Variants in NLGN4X observed in about 807,000 individuals in gnomAD.
NLGN4X encodes neuroligin-4, X-linked.
Under a neutral mutation model 40.3 loss-of-function variants are expected in NLGN4X, and 3 were observed. The ratio of observed to expected loss-of-function variants is 0.07; its 90% CI spans 0.03 to 0.19. The LOEUF (loss-of-function observed/expected upper bound fraction) is 0.19. NLGN4X is among the 10% of genes least tolerant of loss of function. NLGN4X has a pLI of 1.00. For missense variants in NLGN4X, 382 were observed against 708.3 expected, an observed-to-expected ratio of 0.54 and a Z score of 5.23; for synonymous variants, 270 against 306.8, an observed-to-expected ratio of 0.88 and a Z score of 1.25.
At chrX:5,920,839 A>G (rs1439157734) in intron 3 of NLGN4X, among the ~76,000 whole-genome samples, 1 of 110,972 alleles carries the variant, frequency 9.0e-6, no homozygotes, top group Non-Finnish European at 1.9e-5. Flanking sequence ...CTTTCTGCAC[A>G]CTGGGCTTTG....
At chrX:5,935,974 T>C (rs1318779317) in intron 3 of NLGN4X, among the ~76,000 whole-genome samples, 1 of 112,066 alleles carries the variant, frequency 8.9e-6, no homozygotes, top group Non-Finnish European at 1.9e-5. Flanking sequence ...ACAAAAGTGG[T>C]TATCCTTAGG....
chrX:6,115,441 G>C (rs1262481742), intron 2 of NLGN4X, among the ~76,000 whole-genome samples: 1 of 111,364 alleles, frequency 9.0e-6, no homozygotes, highest in Non-Finnish European at 1.9e-5. Flanking sequence ...GTAGGTAATG[G>C]CTGGGCAAAA....
chrX:6,185,331 A>G (rs1921906399), intron 1 of NLGN4X, among the ~76,000 whole-genome samples: 1 of 111,979 alleles, frequency 8.9e-6, no homozygotes, highest in Non-Finnish European at 1.9e-5. Context: ...AACACAATTG[A>G]AATTCATGTT....
intron 3 of NLGN4X, among the ~76,000 whole-genome samples, chrX:5,971,463 T>C (rs1569160946): frequency 9.0e-6 from 1 of 111,518 alleles, no homozygotes; most frequent in Non-Finnish European, 1.9e-5. Flanking sequence ...CCTTCAGTCA[T>C]CAGTGTGAAT....
intron 3 of NLGN4X, among the ~76,000 whole-genome samples, chrX:5,953,577 CCATA>C (rs1384836237): frequency 9.0e-6 from 1 of 111,159 alleles, no homozygotes; most frequent in Non-Finnish European, 1.9e-5. Flanking sequence ...TGCATGTGCC[CCATA>C]CATATATACA....
chrX:6,022,126 T>C (rs956549617), intron 3 of NLGN4X, among the ~76,000 whole-genome samples: 1 of 112,245 alleles, frequency 8.9e-6, no homozygotes, highest in Admixed American at 9.5e-5. Context: ...TGCAGTGTTT[T>C]GTTTTAGTAA....
chrX:6,101,068 A>C (rs901704037), intron 2 of NLGN4X, among the ~76,000 whole-genome samples: 161 of 111,940 alleles, frequency 1.4e-3, no homozygotes, highest in African/African-American at 5.1e-3. Context: ...AAATATGAAA[A>C]AAATAAAGAA....
chrX:5,909,025 C>T (rs768786778), intron 4 of NLGN4X, 29 bp downstream of exon 4: 10 of 1,206,445 alleles, frequency 8.3e-6, no homozygotes, highest in Non-Finnish European at 6.7e-6. Context: ...AGGGTATTTG[C>T]CCGCCCACCC....
At chrX:6,000,084 T>G (rs1297502599) in intron 3 of NLGN4X, among the ~76,000 whole-genome samples, 1 of 112,432 alleles carries the variant, frequency 8.9e-6, no homozygotes, top group African/African-American at 3.2e-5. Flanking sequence ...ACAAAAGTCC[T>G]AGGCTATAAA....
At chrX:6,061,883 C>T (rs1225903331) in intron 2 of NLGN4X, 1 of 111,735 alleles carries the variant, frequency 8.9e-6, no homozygotes, top group East Asian at 2.8e-4. Flanking sequence ...TTCCAGGTTC[C>T]TCGTATTATT....
chrX:6,055,209 T>C (rs756550113), intron 2 of NLGN4X, among the ~76,000 whole-genome samples: 3 of 111,951 alleles, frequency 2.7e-5, no homozygotes, highest in Non-Finnish European at 5.6e-5. Context: ...AGATCAAGCA[T>C]TGGGGCTGGG....
In NLGN4X at chrX:5,978,266, CTCTTTTTTTCTTTCTT is replaced by C. The variant is rs1408428991; in HGVS notation, c.625+50998_625+51013del. Among the ~76,000 whole-genome samples the C allele has an allele frequency of 4.5e-3, 469 of 104,016 alleles. 5 individuals carry two copies. The highest frequency in any genetic ancestry group is 0.017 in the African/African-American group (452 of 26,808). The allele number at this position is 104,016 out of a possible 115,157, so 90.3% of individuals were successfully genotyped here. A position where few individuals can be genotyped will look rare whatever the true frequency, so the allele number is the denominator to read the frequency against. ...CAACTGGAATTAAAAAGACAGGCGT[CTCTTTTTTTCTTTCTT>C]TCTTTCTTTCTTTCTTTCTTTCTTT... On this transcript the variant is annotated intron_variant, in intron 3 of 5. Coordinates refer to ENST00000381095, the MANE Select transcript of NLGN4X (RefSeq NM_181332.3).
At chrX:6,096,034 A>G (rs1213254428) in intron 2 of NLGN4X, among the ~76,000 whole-genome samples, 2 of 112,262 alleles carry the variant, frequency 1.8e-5, no homozygotes, top group African/African-American at 6.5e-5. Flanking sequence ...TGCCAACAGA[A>G]AACAGTTACC....
chrX:6,194,986 T>C (rs1444112032), intron 1 of NLGN4X, among the ~76,000 whole-genome samples: 1 of 111,411 alleles, frequency 9.0e-6, no homozygotes, highest in East Asian at 2.8e-4. Flanking sequence ...GTTATTTTTT[T>C]ATTTTTTATT....
At chrX:5,969,693 T>A (rs923047087) in intron 3 of NLGN4X, among the ~76,000 whole-genome samples, 3 of 111,012 alleles carry the variant, frequency 2.7e-5, no homozygotes, top group Non-Finnish European at 5.7e-5. Context: ...CAAAGGATTA[T>A]AAATCATGCT....
intron 3 of NLGN4X, among the ~76,000 whole-genome samples, chrX:5,953,957 A>G (rs2034400040): frequency 9.0e-6 from 1 of 111,333 alleles, no homozygotes; most frequent in South Asian, 3.8e-4. Context: ...CTGCCAACAG[A>G]CTAGCCCCAT....
chrX:6,196,088 C>A (rs889995353), intron 1 of NLGN4X, among the ~76,000 whole-genome samples: 48 of 111,673 alleles, frequency 4.3e-4, no homozygotes, highest in African/African-American at 1.6e-3. Context: ...TGAGCCACCA[C>A]CCCCAGCCTA....
intron 1 of NLGN4X, among the ~76,000 whole-genome samples, chrX:6,156,386 G>A (rs1431718301): frequency 9.0e-6 from 1 of 111,211 alleles, no homozygotes; most frequent in Non-Finnish European, 1.9e-5. Context: ...GCGGGCACCT[G>A]TAGTCCCAGC....
At chrX:6,056,432 C>T (rs926238802) in intron 2 of NLGN4X, among the ~76,000 whole-genome samples, 4 of 109,013 alleles carry the variant, frequency 3.7e-5, no homozygotes, top group Admixed American at 9.8e-5. Flanking sequence ...GCGGGGATCG[C>T]GCCACTGCAC....
Sources: gnomAD v4.1 joint callset for allele counts (sites outside exome capture counted in the v4.1 genomes callset) on GRCh38, gnomAD v4.1.1 for gene constraint, MANE v1.5 for transcripts, NCBI Gene and HGNC (gene_info 2026-07-23, HGNC 2026-07-21) for gene names.